Variants in ABR observed in about 807,000 individuals in gnomAD.
ABR encodes active breakpoint cluster region-related protein.
ABR carries 35 observed loss-of-function variants against 107.2 expected under a neutral mutation model. That is an observed-to-expected ratio of 0.33 (90% CI 0.25 to 0.43). The LOEUF (loss-of-function observed/expected upper bound fraction) is 0.43, where lower values mean the gene tolerates loss of function less well. Ranked by LOEUF, ABR falls within the 20% of genes least tolerant of loss-of-function variation. The probability of loss-of-function intolerance (pLI) is 1.00; values close to 1 mark genes in which losing one functional copy is unlikely to be tolerated. For synonymous variants in ABR, 498 were observed against 462.0 expected (o/e 1.08, Z -1.00); for missense variants, 815 against 1,115.2 (o/e 0.73, Z 3.83).
In ABR at chr17:1,050,338, C is replaced by T. The variant is rs893583476; in HGVS notation, c.1660-157G>A. ...GAGCTCCCAGAGGCCTCCCATCACC[C>T]CTGGAGTCTGGGGGCCTGAGCTGAC... On this transcript the variant is annotated intron_variant, in intron 15 of 22. Transcript: ENST00000302538. The surrounding 1 kb of genome is among the most constrained non-coding windows in gnomAD (Gnocchi z 4.6). Among the ~76,000 whole-genome samples, 4 of 152,324 alleles carry T rather than the reference C, an allele frequency of 2.6e-5. No individual in the cohort carries two copies. Among genetic ancestry groups the T allele is most frequent in the Middle Eastern group, 6.8e-3 (2 of 294 alleles).
chr17:1,181,150 C>G (rs572518290), upstream of ABR, among the ~76,000 whole-genome samples: 9 of 152,308 alleles, frequency 5.9e-5, no homozygotes, highest in South Asian at 1.9e-3. Flanking sequence ...GCAGTGTGGT[C>G]GGCACCCGCA....
At chr17:1,151,226 C>T (rs1334422535) in intron 1 of ABR, among the ~76,000 whole-genome samples, 1 of 152,150 alleles carries the variant, frequency 6.6e-6, no homozygotes, top group Non-Finnish European at 1.5e-5. Flanking sequence ...ATTACCACAC[C>T]TCAGAAGCTC....
intron 6 of ABR, 145 bp downstream of exon 6, chr17:1,079,185 A>ACTCACACGCGCTCACACACGCTCACG (rs994087732): frequency 3.3e-5 from 49 of 1,475,520 alleles, no homozygotes; most frequent in Non-Finnish European, 4.2e-5. Flanking sequence ...CTCAGCTCAC[A>ACTCACACGCGCTCACACACGCTCACG]CTCACACGCG....
intron 1 of ABR, among the ~76,000 whole-genome samples, chr17:1,208,761 G>A (rs1043236162): frequency 5.9e-5 from 9 of 152,000 alleles, no homozygotes; most frequent in East Asian, 3.9e-4. Context: ...GGTGGCGGGC[G>A]CCTGTAGTCC....
At chr17:1,021,678 C>T (rs2071665321) in intron 16 of ABR, among the ~76,000 whole-genome samples, 1 of 151,916 alleles carries the variant, frequency 6.6e-6, no homozygotes, top group African/African-American at 2.4e-5. Flanking sequence ...GTGGCGGGTG[C>T]CTGTAATCCC....
intron 1 of ABR, among the ~76,000 whole-genome samples, chr17:1,185,894 G>T (rs186587553): frequency 6.6e-6 from 1 of 151,922 alleles, no homozygotes; most frequent in African/African-American, 2.4e-5. Flanking sequence ...GGAGTGCAGT[G>T]GCAGGATCTC....
At chr17:1,110,977 C>T (rs146211335) in intron 2 of ABR, among the ~76,000 whole-genome samples, 11 of 152,308 alleles carry the variant, frequency 7.2e-5, no homozygotes, top group East Asian at 3.9e-4. Context: ...GGCTTGGGAA[C>T]GACCAGGCCT....
intron 1 of ABR, among the ~76,000 whole-genome samples, chr17:1,192,461 G>C (rs750302184): frequency 5.3e-5 from 8 of 152,116 alleles, no homozygotes; most frequent in African/African-American, 9.7e-5. Context: ...ACTTCAAACT[G>C]AGCTGATGAC....
At position 1,069,390 on chromosome 17, in the gene ABR, G is replaced by A. The variant is rs191650323; in HGVS notation, c.1016+579C>T. On this transcript the variant is annotated intron_variant, in intron 9 of 22. Coordinates refer to ENST00000302538, the MANE Select transcript of ABR (RefSeq NM_021962.5). ...TTTAAAAGGAAAAAACCGGCCAGGC[G>A]CGGTGGCTCATGCCTGTAATCCCAG... is the stretch of plus-strand genomic sequence containing the variant. Among the ~76,000 whole-genome samples the A allele has an allele frequency of 2.3e-3, 350 of 152,252 alleles. 2 individuals carry two copies. The highest frequency in any genetic ancestry group is 8.1e-3 in the African/African-American group (337 of 41,562).
intron 2 of ABR, among the ~76,000 whole-genome samples, chr17:1,116,802 C>A (rs2039009258): frequency 6.6e-6 from 1 of 152,214 alleles, no homozygotes; most frequent in South Asian, 2.1e-4. Flanking sequence ...AGCACAGCAC[C>A]TGGCACACGG....
chr17:1,031,266 G>A (rs2072712861), intron 16 of ABR, among the ~76,000 whole-genome samples: 1 of 152,202 alleles, frequency 6.6e-6, no homozygotes, highest in South Asian at 2.1e-4. Context: ...GGCTGAACAG[G>A]GCGGCAAGAC....
intron 16 of ABR, among the ~76,000 whole-genome samples, chr17:1,043,068 G>T (rs2030920789): frequency 6.6e-6 from 1 of 152,198 alleles, no homozygotes; most frequent in East Asian, 1.9e-4. Context: ...GATTTAATGG[G>T]GATGGGGTTT....
At chr17:1,012,877 C>T in intron 17 of ABR, 80 bp from the exon 18 acceptor site, 1 of 1,258,766 alleles carries the variant, frequency 7.9e-7, no homozygotes, top group African/African-American at 1.5e-5. Context: ...GGGGTCCCCT[C>T]CCCAAGACTG....
intron 14 of ABR, chr17:1,055,618 C>T (rs1040823976): frequency 6.1e-6 from 1 of 163,072 alleles, no homozygotes. Flanking sequence ...ACCTCCGCCT[C>T]CCGGGTTCAA....
intron 6 of ABR, among the ~76,000 whole-genome samples, chr17:1,076,393 C>T (rs191080958): frequency 9.9e-4 from 151 of 152,224 alleles, no homozygotes; most frequent in African/African-American, 3.5e-3. Context: ...AAGGCACCCA[C>T]CTGTGGCTCA....
intron 2 of ABR, among the ~76,000 whole-genome samples, chr17:1,101,453 C>T (rs1277764882): frequency 2.0e-5 from 3 of 152,166 alleles, no homozygotes; most frequent in Non-Finnish European, 2.9e-5. Context: ...GTTCTCGAAC[C>T]GACTTTTCCT....
intron 1 of ABR, among the ~76,000 whole-genome samples, chr17:1,203,126 T>G (rs919426871): frequency 9.2e-5 from 14 of 152,104 alleles, no homozygotes; most frequent in Non-Finnish European, 1.6e-4. Context: ...CCTCAGGTGA[T>G]CCGCCCGCCT....
rs201605098 is a variant in ABR, at chr17:1,207,673, T to TG, written c.838+21119dup. Among the ~76,000 whole-genome samples the TG allele has an allele frequency of 5.5e-4, 78 of 141,202 alleles. 2 individuals are homozygous for TG. Among genetic ancestry groups the TG allele is most frequent in the Admixed American group, 4.5e-3 (62 of 13,790 alleles). The allele number at this position is 141,202 out of a possible 152,430, so 92.6% of individuals were successfully genotyped here. A position where few individuals can be genotyped will look rare whatever the true frequency, so the allele number is the denominator to read the frequency against. On this transcript the variant is annotated intron_variant, in intron 1 of 22. Transcript: ENST00000574139. ...TCAAAAAAAAAAAAAAAAAGAGAAG[T>TG]GGGGGAAAAAAGGAAACTGTTGGAA... is the stretch of plus-strand genomic sequence containing the variant.
intron 1 of ABR, among the ~76,000 whole-genome samples, chr17:1,135,374 TG>T (rs1457629759): frequency 8.0e-5 from 6 of 74,688 alleles, no homozygotes; most frequent in East Asian, 9.2e-4. Context: ...TTTTTCTTTT[TG>T]TCTTTTTTTT....
Sources: allele counts gnomAD v4.1 joint callset (sites outside exome capture counted in the v4.1 genomes callset), GRCh38; gene constraint gnomAD v4.1.1; non-coding constraint Gnocchi (gnomAD v3.1); transcripts MANE v1.5; gene names NCBI Gene and HGNC (gene_info 2026-07-23, HGNC 2026-07-21).